Variants in KIAA1755 observed in about 807,000 individuals in gnomAD.
KIAA1755 encodes the protein KIAA1755, also known as uncharacterized protein KIAA1755.
A neutral mutation model predicts 91.7 loss-of-function variants in KIAA1755; 68 were observed. That is an observed-to-expected ratio of 0.74 (90% CI 0.61 to 0.91). The LOEUF (loss-of-function observed/expected upper bound fraction) is 0.91, where lower values mean the gene tolerates loss of function less well. Among genes scored for constraint, KIAA1755 ranks in the 40% least tolerant of loss-of-function variants. The probability of loss-of-function intolerance (pLI) is 0.00; values close to 1 mark genes in which losing one functional copy is unlikely to be tolerated. For synonymous variants in KIAA1755, 610 were observed against 604.6 expected (o/e 1.01, Z -0.13); for missense variants, 1,535 against 1,494.4 (o/e 1.03, Z -0.45).
chr20:38,249,332 G>A (rs923782596), intron 1 of KIAA1755, among the ~76,000 whole-genome samples: 5 of 152,202 alleles, frequency 3.3e-5, no homozygotes, highest in Non-Finnish European at 1.5e-5. Flanking sequence ...GCCCAGGGGG[G>A]CAAAGGGAGA....
chr20:38,222,278 G>C (rs913295803), intron 10 of KIAA1755, among the ~76,000 whole-genome samples, 171 bp downstream of exon 10: 2 of 152,266 alleles, frequency 1.3e-5, no homozygotes, highest in African/African-American at 2.4e-5. Flanking sequence ...CCAGGGCTCA[G>C]GGCAGGTTTC....
chr20:38,241,371 C>T lies in KIAA1755; in HGVS notation c.760G>A (p.Ala254Thr), dbSNP rs774909531. 7 of 1,614,216 alleles carry T rather than the reference C, an allele frequency of 4.3e-6. No homozygotes were observed. Among genetic ancestry groups the T allele is most frequent in the South Asian group, 2.2e-5 (2 of 91,086 alleles). ...CTGAAAGCCACCTCCCCACACCGGG[C>T]TTGCTCCACCTTGATGAGTCCTGGA... ...KYPGLIKVEQ[A>T]RCGEVAFRMD... Residue 254 changes from alanine to threonine, a missense_variant, in exon 3 of 14, where the codon GCC (alanine) becomes ACC (threonine). By Grantham distance (58) the Ala-to-Thr change is moderately conservative. Coordinates refer to ENST00000279024, the MANE Select transcript of KIAA1755 (RefSeq NM_001029864.2).
chr20:38,241,345 C>T lies in KIAA1755; in HGVS notation c.786G>A (p.Arg262=). The T allele has an allele frequency of 1.9e-6, 3 of 1,614,220 alleles. No individual in the cohort carries two copies. The South Asian group carries it at 3.3e-5, about 18-fold the overall frequency. The change falls in exon 3 of 14, where the codon AGG becomes AGA. Residue 262 remains arginine (R), a synonymous_variant. Coordinates refer to ENST00000279024, the MANE Select transcript of KIAA1755 (RefSeq NM_001029864.2). The part of the protein sequence containing the change: ...EQARCGEVAF[R]MDEVVSQDFE... ...AGTCCTGGCTGACCACCTCGTCCAT[C>T]CTGAAAGCCACCTCCCCACACCGGG... is the stretch of plus-strand genomic sequence containing the variant.
intron 12 of KIAA1755, 54 bp downstream of exon 12, chr20:38,218,190 T>C: frequency 6.2e-7 from 1 of 1,610,602 alleles, no homozygotes. Flanking sequence ...TGCCACCCCC[T>C]CTAACGCCCT....
At chr20:38,253,319 TA>T (rs1391820150) in intron 1 of KIAA1755, among the ~76,000 whole-genome samples, 1 of 152,102 alleles carries the variant, frequency 6.6e-6, no homozygotes, top group Non-Finnish European at 1.5e-5. Flanking sequence ...GGCAGGGGAG[TA>T]GGGGCGTGCG....
In KIAA1755 at chr20:38,217,325, G is replaced by A; in HGVS notation, c.2829C>T (p.His943=). The change falls in exon 13 of 14, where the codon CAC becomes CAT. Residue 943 remains histidine (H), a synonymous_variant. Transcript: ENST00000279024. ...TQRAFQAELT[H]FYMAAERQRT... ...GTTGCCGCTCGGCCGCCATGTAAAA[G>A]TGGGTCAGCTCAGCCTGGAAGGCCC... The A allele has an allele frequency of 1.2e-6, 2 of 1,612,070 alleles. No homozygotes were observed. Among genetic ancestry groups the A allele is most frequent in the South Asian group, 1.1e-5 (1 of 90,410 alleles).
At chr20:38,237,775 G>T (rs1393526402) in intron 4 of KIAA1755, among the ~76,000 whole-genome samples, 2 of 151,566 alleles carry the variant, frequency 1.3e-5, no homozygotes, top group Non-Finnish European at 2.9e-5. Flanking sequence ...TAATAAAGGA[G>T]AGGGAGCCTT....
At chr20:38,237,681 G>C (rs2075982453) in intron 4 of KIAA1755, among the ~76,000 whole-genome samples, 1 of 151,980 alleles carries the variant, frequency 6.6e-6, no homozygotes, top group Non-Finnish European at 1.5e-5. Flanking sequence ...TGAAAAGGTG[G>C]TTGAACCAAT....
intron 13 of KIAA1755, among the ~76,000 whole-genome samples, chr20:38,214,385 T>C (rs2075508681): frequency 6.6e-6 from 1 of 152,358 alleles, no homozygotes; most frequent in South Asian, 2.1e-4. Flanking sequence ...TTCCTCTCCA[T>C]GGTTGTATTA....
chr20:38,217,881 T>G, intron 12 of KIAA1755: 1 of 399,906 alleles, frequency 2.5e-6, no homozygotes, highest in Non-Finnish European at 4.6e-6. Context: ...TGAGCGCTGA[T>G]ACGGGGCTGA....
chr20:38,250,564 C>CAAGA, intron 1 of KIAA1755, among the ~76,000 whole-genome samples: 1 of 148,956 alleles, frequency 6.7e-6, no homozygotes, highest in East Asian at 2.0e-4. Flanking sequence ...GTTTAATAGG[C>CAAGA]AAGAAAGAAA....
chr20:38,223,027 C>T (rs1190264081), intron 9 of KIAA1755: 1 of 276,496 alleles, frequency 3.6e-6, no homozygotes, highest in Non-Finnish European at 7.1e-6. Flanking sequence ...TCCACTCATG[C>T]TTCTTTCCCA....
rs768676447 is a variant in KIAA1755, at chr20:38,217,393, G to C, written c.2761C>G (p.Arg921Gly). 1 of 1,613,256 alleles carries C rather than the reference G, an allele frequency of 6.2e-7. No homozygotes were observed. Among genetic ancestry groups the C allele is most frequent in the Non-Finnish European group, 8.5e-7 (1 of 1,179,772 alleles). ...ATARGAGEAE[R>G]AEFPELAAFA... Reference sequence around the variant, plus strand: ...GCTGCCAGCTCTGGGAACTCTGCACGTTCTGCCTCCCCAGCCCCTCTGGCT... The same window carrying C: ...GCTGCCAGCTCTGGGAACTCTGCACCTTCTGCCTCCCCAGCCCCTCTGGCT... Residue 921 changes from arginine (R) to glycine (G), a missense_variant, in exon 13 of 14, where the codon CGT becomes GGT. By Grantham distance (125) the Arg-to-Gly change is moderately radical (BLOSUM62 -2). Coordinates refer to ENST00000279024, the MANE Select transcript of KIAA1755 (RefSeq NM_001029864.2).
At position 38,246,020 on chromosome 20, in the gene KIAA1755, T is replaced by G; in HGVS notation, c.110A>C (p.Asp37Ala). The change falls in exon 2 of 14, where the codon GAC (aspartate) becomes GCC (alanine). Residue 37 changes from aspartate to alanine, a missense_variant. By Grantham distance (126) the Asp-to-Ala change is moderately radical. Coordinates refer to ENST00000279024, the MANE Select transcript of KIAA1755 (RefSeq NM_001029864.2). Reference sequence around the variant, plus strand: ...CAGCCCATCCCCCTGGAAGCCAGAGTCCAGGAGACGGAACACCTGACCCAG... The same window carrying G: ...CAGCCCATCCCCCTGGAAGCCAGAGGCCAGGAGACGGAACACCTGACCCAG... ...TVLGQVFRLL[D>A]SGFQGDGLSF... 2 of 1,613,860 alleles carry G rather than the reference T, an allele frequency of 1.2e-6. No individual in the cohort carries two copies. The highest frequency in any genetic ancestry group is 1.7e-6 in the Non-Finnish European group (2 of 1,179,950).
intron 12 of KIAA1755, 176 bp from the exon 13 acceptor site, chr20:38,217,650 G>A: frequency 1.7e-6 from 1 of 599,628 alleles, no homozygotes; most frequent in Non-Finnish European, 3.0e-6. Context: ...TTAGCTCCTG[G>A]TGAGGGTTGA....
intron 13 of KIAA1755, among the ~76,000 whole-genome samples, chr20:38,214,979 GC>G (rs1199673405): frequency 6.6e-6 from 1 of 152,208 alleles, no homozygotes; most frequent in Non-Finnish European, 1.5e-5. Flanking sequence ...GGAGCTCATG[GC>G]CGGGAAAGAG....
Position 38,260,598 on chromosome 20 carries a change from C to A in KIAA1755, c.-98G>T, listed in dbSNP as rs576514596. The A allele has an allele frequency of 1.4e-6, 2 of 1,428,700 alleles. No individual in the cohort carries two copies. The highest frequency in any genetic ancestry group is 1.6e-5 in the South Asian group (1 of 63,328). The allele number at this position is 1,428,700 out of a possible 1,614,324, so 88.5% of individuals were successfully genotyped here. ...CTGTCTGGGGCAGCCCTCGGTCCCG[C>A]CTAGCCCTGGAGCCAGGGGATAGGG... On this transcript the variant is annotated 5_prime_UTR_variant, in exon 1 of 14. Transcript: ENST00000279024.
chr20:38,227,369 A>T, intron 6 of KIAA1755, 129 bp from the exon 7 acceptor site: 1 of 589,318 alleles, frequency 1.7e-6, no homozygotes, highest in Non-Finnish European at 3.0e-6. Flanking sequence ...GGGTCCCTCC[A>T]TGACTGGAAT....
Position 38,246,032 on chromosome 20 carries a change from A to C in KIAA1755, c.98T>G (p.Phe33Cys). 6.2e-7 allele frequency: 1 copy of C among 1,614,182 alleles called. No homozygotes were observed. The highest frequency in any genetic ancestry group is 8.5e-7 in the Non-Finnish European group (1 of 1,180,028). Reference sequence around the variant, plus strand: ...CTGGAAGCCAGAGTCCAGGAGACGGAACACCTGACCCAGGACGGTGGGTGC... The same window carrying C: ...CTGGAAGCCAGAGTCCAGGAGACGGCACACCTGACCCAGGACGGTGGGTGC... ...ATAPTVLGQV[F>C]RLLDSGFQGD... The change falls in exon 2 of 14, where the codon TTC becomes TGC. Residue 33 changes from phenylalanine to cysteine, a missense_variant. By Grantham distance (205) the Phe-to-Cys change is radical. Coordinates refer to ENST00000279024, the MANE Select transcript of KIAA1755 (RefSeq NM_001029864.2).
Sources: allele counts gnomAD v4.1 joint callset (sites outside exome capture counted in the v4.1 genomes callset), GRCh38; gene constraint gnomAD v4.1.1; transcripts MANE v1.5; gene names NCBI Gene and HGNC (gene_info 2026-07-23, HGNC 2026-07-21).